The following SLC4A10 variants were observed in gnomAD, a reference collection of about 807,000 sequenced individuals.
The protein encoded by SLC4A10 is sodium-driven chloride bicarbonate exchanger.
Under a neutral mutation model 137.7 loss-of-function variants are expected in SLC4A10, and 42 were observed. The ratio of observed to expected loss-of-function variants is 0.30; its 90% CI spans 0.24 to 0.39. SLC4A10 has a LOEUF of 0.39. Ranked by LOEUF, SLC4A10 falls within the 10% of genes least tolerant of loss-of-function variation. SLC4A10 has a pLI of 1.00. For missense variants in SLC4A10, 925 were observed against 1,355.0 expected (o/e 0.68, Z 4.98); for synonymous variants, 474 against 464.1 (o/e 1.02, Z -0.27).
At position 161,965,053 on chromosome 2, in the gene SLC4A10, G is replaced by T; in HGVS notation, c.3039G>T (p.Val1013=). Residue 1013 remains valine (V), a splice_region_variant and synonymous_variant, in exon 23 of 27, where the codon GTG becomes GTT. Coordinates refer to ENST00000446997, the MANE Select transcript of SLC4A10 (RefSeq NM_001178015.2). ...SRAAIVFPMM[V]LALVFVRKLM... The stretch of plus-strand genomic sequence containing the variant: ...AACTAGTTTATTATTTACTTCAGGT[G>T]TTAGCCCTGGTATTTGTAAGAAAGT... The T allele has an allele frequency of 6.2e-7, 1 of 1,610,804 alleles. No individual in the cohort carries two copies. The highest frequency in any genetic ancestry group is 8.5e-7 in the Non-Finnish European group (1 of 1,178,088).
chr2:161,710,656 A>T, intron 1 of SLC4A10: 1 of 453,254 alleles, frequency 2.2e-6, no homozygotes, highest in Non-Finnish European at 4.4e-6. Flanking sequence ...CTGATTGTAA[A>T]CTTGCCCAGT....
chr2:161,698,235 C>A (rs1036986354), intron 1 of SLC4A10, among the ~76,000 whole-genome samples: 2 of 152,200 alleles, frequency 1.3e-5, no homozygotes, highest in Non-Finnish European at 2.9e-5. Context: ...TCTAAATATA[C>A]AATCATGTTA....
At chr2:161,685,522 T>A (rs528823841) in intron 1 of SLC4A10, among the ~76,000 whole-genome samples, 1 of 152,154 alleles carries the variant, frequency 6.6e-6, no homozygotes, top group Admixed American at 6.6e-5. Flanking sequence ...ACATGAGAAT[T>A]GCTTGAACCC....
chr2:161,655,587 T>G (rs541939811), intron 1 of SLC4A10, among the ~76,000 whole-genome samples: 1 of 152,316 alleles, frequency 6.6e-6, no homozygotes, highest in South Asian at 2.1e-4. Flanking sequence ...GCTTCACTGG[T>G]GAATTCTATC....
At chr2:161,908,282 T>G (rs1684922559) in intron 15 of SLC4A10, among the ~76,000 whole-genome samples, 1 of 151,040 alleles carries the variant, frequency 6.6e-6, no homozygotes, top group African/African-American at 2.4e-5. Flanking sequence ...AGGAAAAGTG[T>G]TTGAAAAGAG....
At chr2:161,653,797 A>G (rs552372748) in intron 1 of SLC4A10, among the ~76,000 whole-genome samples, 1 of 152,306 alleles carries the variant, frequency 6.6e-6, no homozygotes, top group South Asian at 2.1e-4. Flanking sequence ...CCATCAGTGG[A>G]TATTTAGATT....
chr2:161,891,963 A>G (rs113444283), intron 10 of SLC4A10, among the ~76,000 whole-genome samples: 2 of 152,174 alleles, frequency 1.3e-5, no homozygotes, highest in African/African-American at 4.8e-5. Context: ...GAAGGGGGTC[A>G]GGGAAGTCTG....
At chr2:161,916,588 C>T (rs1430823400) in intron 15 of SLC4A10, among the ~76,000 whole-genome samples, 1 of 152,186 alleles carries the variant, frequency 6.6e-6, no homozygotes, top group Non-Finnish European at 1.5e-5. Flanking sequence ...GCTTCTGTGA[C>T]CTTTAAGGTA....
chr2:161,651,679 C>T (rs1574109699), intron 1 of SLC4A10, among the ~76,000 whole-genome samples: 2 of 152,348 alleles, frequency 1.3e-5, no homozygotes, highest in Non-Finnish European at 2.9e-5. Context: ...TCTGGTCCTG[C>T]TGCAGCCTTG....
At chr2:161,711,622 G>A (rs541082619) in intron 1 of SLC4A10, among the ~76,000 whole-genome samples, 101 of 151,844 alleles carry the variant, frequency 6.7e-4, no homozygotes, top group African/African-American at 2.3e-3. Flanking sequence ...TCCCAAACTG[G>A]AACACGCTGC....
chr2:161,719,564 TTGTTTCC>T (rs1457330862), intron 1 of SLC4A10, among the ~76,000 whole-genome samples: 1 of 152,070 alleles, frequency 6.6e-6, no homozygotes, highest in Admixed American at 6.6e-5. Context: ...CCAGCACCTG[TTGTTTCC>T]TGACTTTTTA....
chr2:161,873,911 T>C lies in SLC4A10; in HGVS notation c.859-5T>C. 1 of 1,591,504 alleles carries C rather than the reference T, an allele frequency of 6.3e-7. No individual in the cohort carries two copies. The highest frequency in any genetic ancestry group is 8.5e-7 in the Non-Finnish European group (1 of 1,176,624). ...CCAGCTTAAGTCTGTTAATTATGCGTGCAGGGACTGGGAGGCCAACAAAAG... is the reference window on the plus strand; with the variant it reads ...CCAGCTTAAGTCTGTTAATTATGCGCGCAGGGACTGGGAGGCCAACAAAAG... On this transcript the variant is annotated splice_polypyrimidine_tract_variant and splice_region_variant and intron_variant, in intron 7 of 26. Coordinates refer to ENST00000446997, the MANE Select transcript of SLC4A10 (RefSeq NM_001178015.2).
chr2:161,900,817 A>G (rs541784000), intron 11 of SLC4A10, 94 bp from the exon 12 acceptor site: 12 of 881,338 alleles, frequency 1.4e-5, no homozygotes, highest in South Asian at 1.1e-4. Context: ...TATTGTGCAT[A>G]TTGCTTCAAG....
chr2:161,778,020 T>C lies in SLC4A10; in HGVS notation c.130+6966T>C, dbSNP rs1458291855. On this transcript the variant is annotated intron_variant, in intron 2 of 26. Coordinates refer to ENST00000446997, the MANE Select transcript of SLC4A10 (RefSeq NM_001178015.2). ...ATTTCTTTTCCAAATCATTGTTATA[T>C]AGACAACCTACTTAGAGAGAGAGAA... 2.0e-5 allele frequency among the ~76,000 whole-genome samples: 3 copies of C among 152,014 alleles called. No individual in the cohort carries two copies. In the East Asian group the frequency reaches 5.8e-4, roughly 29 times the overall value.
chr2:161,774,428 T>C (rs2052053067), intron 2 of SLC4A10, among the ~76,000 whole-genome samples: 1 of 151,892 alleles, frequency 6.6e-6, no homozygotes, highest in South Asian at 2.1e-4. Flanking sequence ...GAAACCTTAG[T>C]AGTGGATGTT....
At chr2:161,888,716 A>T (rs887710340) in intron 10 of SLC4A10, among the ~76,000 whole-genome samples, 3 of 152,164 alleles carry the variant, frequency 2.0e-5, no homozygotes. Context: ...TTCTAAATAT[A>T]CAATCATGTC....
intron 25 of SLC4A10, 58 bp downstream of exon 25, chr2:161,976,934 C>A (rs1699476553): frequency 1.0e-5 from 9 of 899,524 alleles, no homozygotes; most frequent in Middle Eastern, 2.2e-4. Context: ...TTGACATAAA[C>A]CATAAGCAAA....
At chr2:161,842,001 C>A (rs546648008) in intron 4 of SLC4A10, among the ~76,000 whole-genome samples, 1 of 152,224 alleles carries the variant, frequency 6.6e-6, no homozygotes, top group African/African-American at 2.4e-5. Flanking sequence ...TTTTCCATAT[C>A]AGCAATTCAA....
chr2:161,835,314 G>A (rs1204836411), intron 3 of SLC4A10, among the ~76,000 whole-genome samples: 2 of 152,126 alleles, frequency 1.3e-5, no homozygotes, highest in Non-Finnish European at 2.9e-5. Flanking sequence ...TGGGATTACA[G>A]GCATGAACCA....
Sources: allele counts gnomAD v4.1 joint callset (sites outside exome capture counted in the v4.1 genomes callset), GRCh38; gene constraint gnomAD v4.1.1; transcripts MANE v1.5; gene names NCBI Gene and HGNC (gene_info 2026-07-23, HGNC 2026-07-21).